Variants in ARHGAP15 observed in about 807,000 individuals in gnomAD.
ARHGAP15 encodes the protein rho GTPase-activating protein 15.
ARHGAP15 carries 51 observed loss-of-function variants against 63.7 expected under a neutral mutation model. The ratio of observed to expected loss-of-function variants is 0.80; its 90% CI spans 0.64 to 1.01. The LOEUF is 1.01. ARHGAP15 is among the 50% of genes least tolerant of loss of function. The pLI is 0.00. For missense variants in ARHGAP15, 560 were observed against 564.6 expected (o/e 0.99, Z 0.08); for synonymous variants, 191 against 193.8 (o/e 0.99, Z 0.12).
chr2:143,296,604 A>G (rs1418167363), intron 6 of ARHGAP15, among the ~76,000 whole-genome samples: 1 of 152,000 alleles, frequency 6.6e-6, no homozygotes, highest in Non-Finnish European at 1.5e-5. Context: ...GTTTTGGTCT[A>G]TGAGATGGGG....
intron 13 of ARHGAP15, among the ~76,000 whole-genome samples, chr2:143,708,071 G>A (rs1162244325): frequency 6.6e-6 from 1 of 152,176 alleles, no homozygotes; most frequent in Non-Finnish European, 1.5e-5. Context: ...GAGTTAGGCT[G>A]ATCTGAATGC....
chr2:143,212,139 T>C (rs1692585198), intron 3 of ARHGAP15, among the ~76,000 whole-genome samples: 1 of 151,462 alleles, frequency 6.6e-6, no homozygotes, highest in African/African-American at 2.4e-5. Context: ...AGCCTTCTCA[T>C]AAAAAAAAAT....
intron 6 of ARHGAP15, among the ~76,000 whole-genome samples, chr2:143,389,846 G>A (rs995193152): frequency 3.9e-5 from 6 of 152,042 alleles, no homozygotes; most frequent in Non-Finnish European, 8.8e-5. Flanking sequence ...GTTTACTTGT[G>A]TGTTTGGGCA....
At chr2:143,312,481 GAAAA>G (rs779785072) in intron 6 of ARHGAP15, among the ~76,000 whole-genome samples, 13 of 149,734 alleles carry the variant, frequency 8.7e-5, no homozygotes, top group African/African-American at 1.7e-4. Flanking sequence ...AAGATAAAAA[GAAAA>G]AAAAAGCATG....
In ARHGAP15 at chr2:143,470,978, C is replaced by T. The variant is rs559910770; in HGVS notation, c.704-16395C>T. Among the ~76,000 whole-genome samples the T allele has an allele frequency of 3.5e-5, 5 of 142,336 alleles. No individual in the cohort carries two copies. The East Asian group carries it at 1.1e-3, about 31-fold the overall frequency. The allele number at this position is 142,336 out of a possible 152,430, so 93.4% of individuals were successfully genotyped here. The stretch of plus-strand genomic sequence containing the variant: ...TGTGTATCATATGTGTGTACATACA[C>T]ACGTGTATCATATACATGTGTGTAT... On this transcript the variant is annotated intron_variant, in intron 8 of 13. Coordinates refer to ENST00000295095, the MANE Select transcript of ARHGAP15 (RefSeq NM_018460.4).
intron 11 of ARHGAP15, among the ~76,000 whole-genome samples, chr2:143,622,618 T>C (rs955982496): frequency 1.3e-5 from 2 of 152,022 alleles, no homozygotes; most frequent in African/African-American, 2.4e-5. Context: ...GATTTTGTTG[T>C]GTATCACATT....
chr2:143,398,789 A>G (rs1416301018), intron 6 of ARHGAP15, among the ~76,000 whole-genome samples: 1 of 137,134 alleles, frequency 7.3e-6, no homozygotes, highest in Non-Finnish European at 1.6e-5. Context: ...TTTTTTTTTG[A>G]AATGGTTTCT....
At chr2:143,172,056 GAAGACAAGCATT>G (rs1690802990) in intron 2 of ARHGAP15, 1 of 152,060 alleles carries the variant, frequency 6.6e-6, no homozygotes, top group Admixed American at 6.6e-5. Flanking sequence ...AGGCAGGAAA[GAAGACAAGCATT>G]AAGGGAAGAA....
chr2:143,391,932 A>G (rs1283663865), intron 6 of ARHGAP15, among the ~76,000 whole-genome samples: 1 of 152,218 alleles, frequency 6.6e-6, no homozygotes, highest in Non-Finnish European at 1.5e-5. Flanking sequence ...TTCTTGTGGT[A>G]CTTCAGGTCA....
Position 143,317,060 on chromosome 2 carries a change from C to T in ARHGAP15, c.474+66460C>T, listed in dbSNP as rs79910127. Among the ~76,000 whole-genome samples, 114 of 152,240 alleles carry T rather than the reference C, an allele frequency of 7.5e-4. 1 individual carries two copies. In the East Asian group the frequency reaches 0.018, roughly 24 times the overall value. ...TCTATCCCTCTCTCTCTCTCTCCAA[C>T]TTTACCCTGCATTTTCCTTTAGGGT... On this transcript the variant is annotated intron_variant, in intron 6 of 13. Coordinates refer to ENST00000295095, the MANE Select transcript of ARHGAP15 (RefSeq NM_018460.4).
intron 6 of ARHGAP15, among the ~76,000 whole-genome samples, chr2:143,290,166 C>T (rs921903452): frequency 5.3e-5 from 8 of 151,984 alleles, no homozygotes; most frequent in Non-Finnish European, 1.2e-4. Flanking sequence ...ATGACTTTCC[C>T]AATAGCTATT....
chr2:143,604,329 A>G lies in ARHGAP15; in HGVS notation c.1004-19804A>G, dbSNP rs918312303. Among the ~76,000 whole-genome samples, 10 of 152,152 alleles carry G rather than the reference A, an allele frequency of 6.6e-5. 1 individual carries two copies. The highest frequency in any genetic ancestry group is 5.2e-4 in the Admixed American group (8 of 15,280). ...TGTTTCAGCTGACTGGGATCGAATCACATGAACCAGCCTGACTGTGTTTGT... is the reference window on the plus strand; with the variant it reads ...TGTTTCAGCTGACTGGGATCGAATCGCATGAACCAGCCTGACTGTGTTTGT... On this transcript the variant is annotated intron_variant, in intron 11 of 13. Transcript: ENST00000295095.
At chr2:143,749,820 G>A (rs1686302838) in intron 13 of ARHGAP15, among the ~76,000 whole-genome samples, 1 of 152,142 alleles carries the variant, frequency 6.6e-6, no homozygotes, top group Non-Finnish European at 1.5e-5. Context: ...CACTCAGCAT[G>A]GATAATAGTA....
chr2:143,652,577 C>T (rs115273465), intron 12 of ARHGAP15, among the ~76,000 whole-genome samples: 2,141 of 152,126 alleles, frequency 0.014, 57 homozygotes, highest in African/African-American at 0.05. Context: ...CAAGTTATAT[C>T]TCATTATTTA....
intron 2 of ARHGAP15, 67 bp downstream of exon 2, chr2:143,155,722 A>AT: frequency 6.9e-7 from 1 of 1,440,840 alleles, no homozygotes; most frequent in Non-Finnish European, 9.3e-7. Context: ...GAAAAAAAAA[A>AT]GCTAATTAGT....
chr2:143,673,127 G>A (rs1301680950), intron 12 of ARHGAP15, among the ~76,000 whole-genome samples: 1 of 152,026 alleles, frequency 6.6e-6, no homozygotes, highest in Non-Finnish European at 1.5e-5. Context: ...TTCAATATTG[G>A]TAATAAATTA....
At chr2:143,514,477 C>CT (rs1207244223) in intron 9 of ARHGAP15, among the ~76,000 whole-genome samples, 8 of 152,078 alleles carry the variant, frequency 5.3e-5, no homozygotes, top group Admixed American at 2.6e-4. Context: ...AAATTTAGAA[C>CT]TTTTTTTTCT....
At chr2:143,267,684 G>A (rs1292092171) in intron 6 of ARHGAP15, among the ~76,000 whole-genome samples, 2 of 152,120 alleles carry the variant, frequency 1.3e-5, no homozygotes, top group East Asian at 3.9e-4. Context: ...CAAATGAATT[G>A]GTATTCTATT....
At chr2:143,162,322 G>C (rs1375721192) in intron 2 of ARHGAP15, 2 of 151,982 alleles carry the variant, frequency 1.3e-5, no homozygotes, top group Admixed American at 1.3e-4. Context: ...AAAATAGCTA[G>C]ACACTGACCT....
Sources: gnomAD v4.1 joint callset for allele counts (sites outside exome capture counted in the v4.1 genomes callset) on GRCh38, gnomAD v4.1.1 for gene constraint, MANE v1.5 for transcripts, NCBI Gene and HGNC (gene_info 2026-07-23, HGNC 2026-07-21) for gene names.